Variants in KIAA1210 observed in about 807,000 individuals in gnomAD.
KIAA1210 encodes the protein KIAA1210.
Under a neutral mutation model 78.9 loss-of-function variants are expected in KIAA1210, and 48 were observed. The observed-to-expected ratio is 0.61, with a 90% CI of 0.48 to 0.77. KIAA1210 has a LOEUF of 0.77. Among genes scored for constraint, KIAA1210 ranks in the 30% least tolerant of loss-of-function variants. The probability of loss-of-function intolerance (pLI) is 0.00; values close to 1 mark genes in which losing one functional copy is unlikely to be tolerated. For missense variants in KIAA1210, 1,108 were observed against 1,100.0 expected (o/e 1.01, Z -0.10); for synonymous variants, 406 against 404.5 (o/e 1.00, Z -0.04).
chrX:119,089,123 C>G lies in KIAA1210; in HGVS notation c.1579G>C (p.Glu527Gln). Residue 527 changes from glutamate (E) to glutamine (Q), a missense_variant, in exon 9 of 12, where the codon GAA (glutamate) becomes CAA (glutamine). Glu to Gln is a conservative substitution (Grantham distance 29). This residue lies in a region of KIAA1210 where 672 missense variants were observed against 607.1 expected (regional missense o/e 1.11). Coordinates refer to ENST00000691062, the MANE Select transcript of KIAA1210 (RefSeq NM_001394962.1). ...VFMNPSHIQL[E>Q]DQEAFSFDLQ... The stretch of plus-strand genomic sequence containing the variant: ...TCAAAGCTGAAAGCTTCTTGATCTT[C>G]TAACTGGATATGAGAAGGATTCATA... 8.3e-7 allele frequency: 1 copy of G among 1,211,930 alleles called. No homozygotes were observed. Among genetic ancestry groups the G allele is most frequent in the Non-Finnish European group, 1.1e-6 (1 of 895,453 alleles).
In KIAA1210 at chrX:119,080,514, G is replaced by T. The variant is rs1926913079; in HGVS notation, c.*815C>A. On this transcript the variant is annotated 3_prime_UTR_variant, in exon 12 of 12. Transcript: ENST00000691062. ...AGCTTAGAGCAACAACCAAATAATT[G>T]CGGCATCTATCTAGGCTCATAAAAC... is the stretch of plus-strand genomic sequence containing the variant. 2.7e-5 allele frequency: 3 copies of T among 111,812 alleles called. No homozygotes were observed. The Admixed American group carries it at 2.8e-4, about 11-fold the overall frequency. The allele number at this position is 111,812 out of a possible 1,213,427, so 9.2% of individuals were successfully genotyped here.
chrX:119,103,186 A>G (rs1927786930), intron 6 of KIAA1210, among the ~76,000 whole-genome samples: 1 of 111,731 alleles, frequency 9.0e-6, no homozygotes, highest in Non-Finnish European at 1.9e-5. Context: ...GCAAAATAAA[A>G]TTTCGAAATT....
At chrX:119,145,373 C>T (rs1188908968) in intron 2 of KIAA1210, among the ~76,000 whole-genome samples, 1 of 110,973 alleles carries the variant, frequency 9.0e-6, no homozygotes, top group African/African-American at 3.3e-5. Flanking sequence ...CATACCTTGG[C>T]CCCGGTTTTG....
chrX:119,131,664 G>A (rs778909033), upstream of KIAA1210, among the ~76,000 whole-genome samples: 1 of 112,929 alleles, frequency 8.9e-6, no homozygotes, highest in East Asian at 2.8e-4. Context: ...ATGCTGTCCT[G>A]TTGGCCTTGG....
Position 119,086,555 on chromosome X carries a change from T to C in KIAA1210, c.4147A>G (p.Lys1383Glu). Residue 1383 changes from lysine to glutamate, a missense_variant, in exon 9 of 12, where the codon AAG becomes GAG. Coordinates refer to ENST00000691062, the MANE Select transcript of KIAA1210 (RefSeq NM_001394962.1). ...GAGATAAAAGCCTTACCTGGGGTCT[T>C]GCAAGCAGGTTGCTTCTTGGCCATG... ...ESMAKKQPACKTPGKPAGQQS... is the reference protein window; with the variant it reads ...ESMAKKQPACETPGKPAGQQS... The C allele has an allele frequency of 1.7e-6, 2 of 1,201,853 alleles. No individual in the cohort carries two copies. Among genetic ancestry groups the C allele is most frequent in the East Asian group, 3.0e-5 (1 of 33,826 alleles).
chrX:119,140,976 C>T (rs1929037402), intron 2 of KIAA1210, among the ~76,000 whole-genome samples: 1 of 112,291 alleles, frequency 8.9e-6, no homozygotes, highest in Admixed American at 9.4e-5. Context: ...TTTCTGGATA[C>T]CCCTCCAACT....
intron 1 of KIAA1210, among the ~76,000 whole-genome samples, chrX:119,127,040 C>T (rs1260709929): frequency 9.4e-6 from 1 of 106,288 alleles, no homozygotes; most frequent in East Asian, 3.0e-4. Flanking sequence ...TGCCACTGCA[C>T]TCCAGCCAGG....
At chrX:119,128,439 A>C (rs1928703489), upstream of KIAA1210, among the ~76,000 whole-genome samples, 1 of 101,935 alleles carries the variant, frequency 9.8e-6, no homozygotes, top group African/African-American at 3.6e-5. Context: ...CCCCTACTTC[A>C]TCCCTTCACC....
chrX:119,089,826 GTGGTACC>G, intron 8 of KIAA1210, 80 bp from the exon 9 acceptor site: 2 of 943,797 alleles, frequency 2.1e-6, no homozygotes, highest in Non-Finnish European at 1.4e-6. Flanking sequence ...CCCTGGCCCA[GTGGTACC>G]TATTTGCTAC....
chrX:119,093,934 G>C, intron 7 of KIAA1210, 159 bp from the exon 8 acceptor site: 1 of 939,522 alleles, frequency 1.1e-6, no homozygotes, highest in Non-Finnish European at 1.5e-6. Flanking sequence ...TATTTCCAGG[G>C]ATTTCTTAAT....
At position 119,115,380 on chromosome X, in the gene KIAA1210, A is replaced by G. The variant is rs766978578; in HGVS notation, c.230+1116T>C. Among the ~76,000 whole-genome samples the G allele has an allele frequency of 7.2e-5, 8 of 111,443 alleles. No individual in the cohort carries two copies. In the South Asian group the frequency reaches 3.1e-3, roughly 43 times the overall value. On this transcript the variant is annotated intron_variant, in intron 3 of 11. Coordinates refer to ENST00000691062, the MANE Select transcript of KIAA1210 (RefSeq NM_001394962.1). ...CCTCCCCCTGGGTTTTAGCAGGGCT[A>G]GTCTTAGTCTTACTGAACACTGCAA... is the stretch of plus-strand genomic sequence containing the variant.
upstream of KIAA1210, among the ~76,000 whole-genome samples, chrX:119,132,627 C>A (rs1421179424): frequency 2.7e-5 from 3 of 111,447 alleles, no homozygotes; most frequent in Admixed American, 2.9e-4. Context: ...ATGTCTTTAA[C>A]CCCTTTCAAA....
chrX:119,130,380 T>C (rs1027841844), upstream of KIAA1210, among the ~76,000 whole-genome samples: 2 of 112,623 alleles, frequency 1.8e-5, no homozygotes, highest in African/African-American at 6.5e-5. Flanking sequence ...ATTACACATA[T>C]GCTTCAAGAC....
At chrX:119,130,122 C>T (rs756045575), upstream of KIAA1210, among the ~76,000 whole-genome samples, 2 of 111,739 alleles carry the variant, frequency 1.8e-5, no homozygotes, top group Non-Finnish European at 3.8e-5. Context: ...TGAGCCTCCC[C>T]GCTTAAACTT....
chrX:119,079,459 G>A lies in KIAA1210; in HGVS notation c.*1870C>T, dbSNP rs898197233. On this transcript the variant is annotated 3_prime_UTR_variant, in exon 12 of 12. Transcript: ENST00000691062. ...TGGAATGAAGAGAAAGACAGAGAAA[G>A]GAAGATTTAACTAACTTCTAGTGAA... 8.9e-6 allele frequency: 1 copy of A among 111,923 alleles called. No homozygotes were observed. Among genetic ancestry groups the A allele is most frequent in the Admixed American group, 9.4e-5 (1 of 10,596 alleles). 9.2% of individuals were successfully genotyped at this position (111,923 alleles called of 1,213,427 possible).
intron 4 of KIAA1210, 121 bp downstream of exon 4, chrX:119,108,955 G>A (rs1402104498): frequency 1.4e-6 from 1 of 690,786 alleles, no homozygotes; most frequent in African/African-American, 2.2e-5. Context: ...ACAGCCCTGT[G>A]GGGGTAGGAT....
At chrX:119,141,150 G>C (rs952092928) in intron 2 of KIAA1210, among the ~76,000 whole-genome samples, 9 of 111,270 alleles carry the variant, frequency 8.1e-5, no homozygotes, top group Non-Finnish European at 1.7e-4. Context: ...GGGCTCAGAA[G>C]ACTCTCCCTT....
upstream of KIAA1210, among the ~76,000 whole-genome samples, chrX:119,131,180 T>G (rs1435192985): frequency 9.0e-6 from 1 of 111,613 alleles, no homozygotes; most frequent in Non-Finnish European, 1.9e-5. Context: ...TTTCACAGAG[T>G]CTGCGGTAAA....
In KIAA1210 at chrX:119,116,585, T is replaced by C; in HGVS notation, c.141A>G (p.Glu47=). ...ACAAGCTCAGTTCTAGCATTTCTTC[T>C]TCCTGGGTATCTTCGGCTTCTTTTT... The part of the protein sequence containing the change: ...KKEKEAEDTQ[E]EEMLELSLSS... Residue 47 remains glutamate (E), a synonymous_variant, in exon 3 of 12, where the codon GAA becomes GAG. Transcript: ENST00000691062. 8.3e-7 allele frequency: 1 copy of C among 1,209,516 alleles called. No individual in the cohort carries two copies.
Sources: gnomAD v4.1 joint callset for allele counts (sites outside exome capture counted in the v4.1 genomes callset) on GRCh38, gnomAD v4.1.1 for gene constraint, gnomAD v4.1.1 regional missense constraint, MANE v1.5 for transcripts, NCBI Gene and HGNC (gene_info 2026-07-23, HGNC 2026-07-21) for gene names.